MON2: variants seen among roughly 807,000 people sequenced by gnomAD.
The protein encoded by MON2 is MON2 regulator of endosome-to-Golgi trafficking.
Under a neutral mutation model 208.6 loss-of-function variants are expected in MON2, and 84 were observed. That is an observed-to-expected ratio of 0.40 (90% CI 0.34 to 0.48). The LOEUF is 0.48. MON2 is among the 20% of genes least tolerant of loss of function. MON2 has a pLI of 0.59. For synonymous variants in MON2, 660 were observed against 694.0 expected (o/e 0.95, Z 0.77); for missense variants, 1,611 against 2,015.4 (o/e 0.80, Z 3.84).
chr12:62,524,605 A>G lies in MON2; in HGVS notation c.1075A>G (p.Ile359Val). 6.2e-7 allele frequency: 1 copy of G among 1,613,524 alleles called. No individual in the cohort carries two copies. The highest frequency in any genetic ancestry group is 8.5e-7 in the Non-Finnish European group (1 of 1,179,596). ...QWLRAVAVES[I>V]HRFCVQPQLL... ...GCTACGAGCTGTTGCGGTGGAATCAATACACAGATTCTGTGTGCAGCCTCA... is the reference window on the plus strand; with the variant it reads ...GCTACGAGCTGTTGCGGTGGAATCAGTACACAGATTCTGTGTGCAGCCTCA... The change falls in exon 9 of 35, where the codon ATA (isoleucine) becomes GTA (valine). Residue 359 changes from isoleucine (I) to valine (V), a missense_variant. By Grantham distance (29) the Ile-to-Val change is conservative. Coordinates refer to ENST00000393630, the MANE Select transcript of MON2 (RefSeq NM_015026.3).
intron 1 of MON2, chr12:62,470,747 A>G: frequency 8.8e-7 from 1 of 1,133,316 alleles, no homozygotes; most frequent in South Asian, 1.9e-5. Flanking sequence ...GGAGGAGGGG[A>G]GTCATTCCTA....
At chr12:62,528,599 C>T (rs2072459046) in intron 11 of MON2, among the ~76,000 whole-genome samples, 1 of 152,150 alleles carries the variant, frequency 6.6e-6, no homozygotes, top group Non-Finnish European at 1.5e-5. Context: ...ATAAATTACC[C>T]TTTCTCTTAA....
intron 34 of MON2, among the ~76,000 whole-genome samples, chr12:62,591,100 T>G (rs2075384134): frequency 6.6e-6 from 1 of 152,252 alleles, no homozygotes; most frequent in Non-Finnish European, 1.5e-5. Context: ...CAGGTTTCAA[T>G]CTATCTAATC....
chr12:62,502,760 T>C (rs2070909326), intron 7 of MON2, among the ~76,000 whole-genome samples: 1 of 152,090 alleles, frequency 6.6e-6, no homozygotes, highest in African/African-American at 2.4e-5. Flanking sequence ...AGTTATTAGG[T>C]CTTGAACTGT....
intron 7 of MON2, among the ~76,000 whole-genome samples, chr12:62,506,294 T>C (rs550584661): frequency 1.3e-5 from 2 of 152,208 alleles, no homozygotes; most frequent in South Asian, 2.1e-4. Context: ...AAAAGTATAT[T>C]AAAATATTTA....
In MON2 at chr12:62,565,357, A is replaced by G. The variant is rs11174549; in HGVS notation, c.4153A>G (p.Ile1385Val). The G allele has an allele frequency of 0.1, 163,391 of 1,604,878 alleles. 9,541 individuals are homozygous for G. Among genetic ancestry groups the G allele is most frequent in the Non-Finnish European group, 0.11 (131,724 of 1,175,894 alleles). Residue 1385 changes from isoleucine (I) to valine (V), a missense_variant, in exon 27 of 35, where the codon ATT becomes GTT. Physicochemically the swap from Ile to Val is conservative, Grantham distance 29. Coordinates refer to ENST00000393630, the MANE Select transcript of MON2 (RefSeq NM_015026.3). ...GTATGGACAGCTGGAAACAAAGCACATTGCAAATGCAAAATATAATCAGGT... is the reference window on the plus strand; with the variant it reads ...GTATGGACAGCTGGAAACAAAGCACGTTGCAAATGCAAAATATAATCAGGT... ...PQYGQLETKH[I>V]ANAKYNQIQL...
At chr12:62,577,161 A>C (rs1270560280) in intron 30 of MON2, among the ~76,000 whole-genome samples, 1 of 152,036 alleles carries the variant, frequency 6.6e-6, no homozygotes, top group Non-Finnish European at 1.5e-5. Context: ...AGAGATGCAG[A>C]TATAGTCTGT....
intron 33 of MON2, among the ~76,000 whole-genome samples, chr12:62,586,016 G>T (rs1294368557): frequency 6.6e-6 from 1 of 152,148 alleles, no homozygotes; most frequent in East Asian, 1.9e-4. Flanking sequence ...TTTCTCATCT[G>T]TTCAGCCTGT....
chr12:62,552,973 G>A lies in MON2; in HGVS notation c.3009G>A (p.Glu1003=), dbSNP rs1156908237. The change falls in exon 24 of 35, where the codon GAG becomes GAA. Residue 1003 remains glutamate (E), a synonymous_variant. Coordinates refer to ENST00000393630, the MANE Select transcript of MON2 (RefSeq NM_015026.3). Reference sequence around the variant, plus strand: ...CAGCACAGCAAAAGCAGGCAGAAGAGAAAGGAGTTGTTTTAAATCGGCCAT... The same window carrying A: ...CAGCACAGCAAAAGCAGGCAGAAGAAAAAGGAGTTGTTTTAAATCGGCCAT... ...EEAAQQKQAE[E]KGVVLNRPFH... The A allele has an allele frequency of 6.2e-7, 1 of 1,614,180 alleles. No homozygotes were observed. Among genetic ancestry groups the A allele is most frequent in the Admixed American group, 1.7e-5 (1 of 60,022 alleles).
At chr12:62,504,095 G>A (rs1232406033) in intron 7 of MON2, among the ~76,000 whole-genome samples, 1 of 152,066 alleles carries the variant, frequency 6.6e-6, no homozygotes, top group Non-Finnish European at 1.5e-5. Context: ...TTTAGTAATA[G>A]TGCCTGGCAT....
chr12:62,535,004 C>A, intron 13 of MON2, 78 bp downstream of exon 13: 1 of 1,037,016 alleles, frequency 9.6e-7, no homozygotes, highest in Non-Finnish European at 1.5e-6. Context: ...TTACATTTGT[C>A]CCTAGAATTA....
intron 14 of MON2, among the ~76,000 whole-genome samples, chr12:62,536,589 A>G (rs773732926): frequency 6.6e-6 from 1 of 152,206 alleles, no homozygotes; most frequent in Non-Finnish European, 1.5e-5. Context: ...ATTGCTTATG[A>G]AGAAATCTAC....
At chr12:62,543,667 G>A (rs1394409522) in intron 20 of MON2, among the ~76,000 whole-genome samples, 1 of 151,992 alleles carries the variant, frequency 6.6e-6, no homozygotes, top group African/African-American at 2.4e-5. Context: ...GAGTGCAGTG[G>A]TGAGGTCTCG....
intron 1 of MON2, among the ~76,000 whole-genome samples, chr12:62,474,119 CTTTTTTTTT>C (rs778065734): frequency 2.3e-4 from 33 of 141,850 alleles, no homozygotes; most frequent in Non-Finnish European, 9.3e-5. Context: ...CTTTTCTTTT[CTTTTTTTTT>C]TTTTTCTGAG....
rs540612139 is a variant in MON2, at chr12:62,592,999, A to G, written c.*250A>G. On this transcript the variant is annotated 3_prime_UTR_variant, in exon 35 of 35. Transcript: ENST00000393630. The stretch of plus-strand genomic sequence containing the variant: ...TGGGAGGGATAATTAACACTACAGT[A>G]TACATGCTACCATATCTCCAGTTGG... 4.6e-4 allele frequency: 144 copies of G among 315,974 alleles called. 1 individual carries two copies. The South Asian group carries it at 0.013, about 29-fold the overall frequency. The allele number at this position is 315,974 out of a possible 1,614,324, so 19.6% of individuals were successfully genotyped here.
chr12:62,538,613 G>T lies in MON2; in HGVS notation c.2364+108G>T. ...AGTAGAACTAACACTCAGATTGTAT[G>T]GTAACCATACTCTGTTGGGTTTTTA... is the stretch of plus-strand genomic sequence containing the variant. On this transcript the variant is annotated intron_variant, in intron 19 of 34. Coordinates refer to ENST00000393630, the MANE Select transcript of MON2 (RefSeq NM_015026.3). 2 of 765,978 alleles carry T rather than the reference G, an allele frequency of 2.6e-6. 1 individual carries two copies. Among genetic ancestry groups the T allele is most frequent in the South Asian group, 3.5e-5 (2 of 57,678 alleles). The allele number at this position is 765,978 out of a possible 1,614,324, so 47.4% of individuals were successfully genotyped here.
At chr12:62,472,618 T>C (rs1220829457) in intron 1 of MON2, among the ~76,000 whole-genome samples, 2 of 152,214 alleles carry the variant, frequency 1.3e-5, no homozygotes, top group Admixed American at 6.5e-5. Flanking sequence ...GGGAGACCCC[T>C]AGTGAAAGAG....
chr12:62,589,501 A>C (rs1029065910), intron 34 of MON2, among the ~76,000 whole-genome samples: 1 of 152,300 alleles, frequency 6.6e-6, no homozygotes. Context: ...ACTAAATCTT[A>C]AGAGGCAGTA....
At chr12:62,470,391 ATTG>A (rs1415760687) in intron 1 of MON2, among the ~76,000 whole-genome samples, 1 of 152,120 alleles carries the variant, frequency 6.6e-6, no homozygotes, top group Non-Finnish European at 1.5e-5. Context: ...TGTATATTAA[ATTG>A]TTGTTGTAGT....
Sources: allele counts gnomAD v4.1 joint callset (sites outside exome capture counted in the v4.1 genomes callset), GRCh38; gene constraint gnomAD v4.1.1; transcripts MANE v1.5; gene names NCBI Gene and HGNC (gene_info 2026-07-23, HGNC 2026-07-21).